TMEM229B: variants seen among roughly 807,000 people sequenced by gnomAD.
The protein encoded by TMEM229B is transmembrane protein 229B.
TMEM229B carries 6 observed loss-of-function variants against 13.7 expected under a neutral mutation model. The ratio of observed to expected loss-of-function variants is 0.44; its 90% confidence interval spans 0.24 to 0.86. The LOEUF (loss-of-function observed/expected upper bound fraction) is 0.86, where lower values mean the gene tolerates loss of function less well. Among genes scored for constraint, TMEM229B ranks in the 40% least tolerant of loss-of-function variants. The pLI is 0.23. For synonymous variants in TMEM229B, 107 were observed against 102.1 expected, an observed-to-expected ratio of 1.05 and a Z score of -0.29; for missense variants, 170 against 236.0, an observed-to-expected ratio of 0.72 and a Z score of 1.83.
At chr14:67,531,636 G>A (rs1251344709) in intron 1 of TMEM229B, among the ~76,000 whole-genome samples, 1 of 151,436 alleles carries the variant, frequency 6.6e-6, no homozygotes, top group African/African-American at 2.4e-5. Context: ...GTTCTGGGCC[G>A]AGGTGCGGTG....
In TMEM229B at chr14:67,473,450, G is replaced by A. The variant is rs778840204; in HGVS notation, c.474C>T (p.Ala158=). The part of the protein sequence containing the change: ...AEPGEPSGAL[A]LANGHVKTD ...CAGTCTTGACATGGCCGTTGGCCAGGGCTAGGGCGCCGCTGGGCTCCCCGG... is the reference window on the plus strand; with the variant it reads ...CAGTCTTGACATGGCCGTTGGCCAGAGCTAGGGCGCCGCTGGGCTCCCCGG... Residue 158 remains alanine, a synonymous_variant, in exon 3 of 3, where the codon GCC becomes GCT. Coordinates refer to ENST00000554480, the MANE Select transcript of TMEM229B (RefSeq NM_001348543.2). The surrounding 1 kb of genome is among the most constrained non-coding windows in gnomAD (Gnocchi z 6.5). 2 of 1,614,014 alleles carry A rather than the reference G, an allele frequency of 1.2e-6. No homozygotes were observed. Among genetic ancestry groups the A allele is most frequent in the Admixed American group, 1.7e-5 (1 of 60,006 alleles).
At chr14:67,491,803 C>G (rs1357080711), upstream of TMEM229B, among the ~76,000 whole-genome samples, 2 of 152,186 alleles carry the variant, frequency 1.3e-5, no homozygotes, top group Non-Finnish European at 2.9e-5. Context: ...GGGCCAAGCT[C>G]AACTACAAAA....
At position 67,473,692 on chromosome 14, in the gene TMEM229B, G is replaced by A. The variant is rs747736634; in HGVS notation, c.232C>T (p.Leu78Phe). 3.8e-6 allele frequency: 6 copies of A among 1,588,178 alleles called. No individual in the cohort carries two copies. Among genetic ancestry groups the A allele is most frequent in the African/African-American group, 1.3e-5 (1 of 74,256 alleles). ...RGRCPLLLRC[L>F]IYTLWTYLWE... ...AGGTAGGTCCAGAGCGTGTAGATGA[G>A]GCAGCGCAGGAGCAGCGGGCAGCGG... is the stretch of plus-strand genomic sequence containing the variant. Residue 78 changes from leucine (L) to phenylalanine (F), a missense_variant, in exon 3 of 3, where the codon CTC becomes TTC. Leu to Phe is a conservative substitution (Grantham distance 22). Coordinates refer to ENST00000554480, the MANE Select transcript of TMEM229B (RefSeq NM_001348543.2). This position sits in a 1 kb window ranked among gnomAD's most constrained non-coding sequence, Gnocchi z 6.5.
At chr14:67,529,322 C>T (rs377710985) in intron 1 of TMEM229B, among the ~76,000 whole-genome samples, 1 of 152,148 alleles carries the variant, frequency 6.6e-6, no homozygotes, top group East Asian at 1.9e-4. Flanking sequence ...CACCCTGTGT[C>T]CCCTGGGTGG....
intron 1 of TMEM229B, among the ~76,000 whole-genome samples, chr14:67,503,017 A>G (rs2032674349): frequency 6.6e-6 from 1 of 152,150 alleles, no homozygotes; most frequent in African/African-American, 2.4e-5. Context: ...AGATGAAACC[A>G]ATGTTCAGGG....
At chr14:67,489,345 C>G (rs1349453444), upstream of TMEM229B, among the ~76,000 whole-genome samples, 1 of 152,202 alleles carries the variant, frequency 6.6e-6, no homozygotes, top group African/African-American at 2.4e-5. Flanking sequence ...AAATCTCATC[C>G]TTAAGGCACA....
At chr14:67,519,803 G>T (rs924017010), upstream of TMEM229B, among the ~76,000 whole-genome samples, 3 of 151,530 alleles carry the variant, frequency 2.0e-5, no homozygotes, top group South Asian at 6.2e-4. Flanking sequence ...GCTTACTGCA[G>T]CCTTGAACTC....
At chr14:67,524,018 G>A (rs904810992) in intron 1 of TMEM229B, among the ~76,000 whole-genome samples, 1 of 152,132 alleles carries the variant, frequency 6.6e-6, no homozygotes, top group Admixed American at 6.5e-5. Flanking sequence ...CTGCATGTCT[G>A]TGTTCTGAGT....
intron 1 of TMEM229B, among the ~76,000 whole-genome samples, chr14:67,496,405 T>G (rs1429330654): frequency 2.3e-5 from 3 of 129,858 alleles, no homozygotes; most frequent in East Asian, 4.7e-4. Flanking sequence ...TTTTTTTTTT[T>G]TTTTTTTTTT....
At chr14:67,521,775 A>G (rs2033294344) in intron 1 of TMEM229B, among the ~76,000 whole-genome samples, 1 of 152,246 alleles carries the variant, frequency 6.6e-6, no homozygotes, top group Non-Finnish European at 1.5e-5. Context: ...AAGTTAAAAG[A>G]AATCAAAGTG....
chr14:67,508,607 G>A (rs528480349), intron 1 of TMEM229B, among the ~76,000 whole-genome samples: 2 of 151,716 alleles, frequency 1.3e-5, no homozygotes, highest in Admixed American at 1.3e-4. Flanking sequence ...AAGAGGCCAG[G>A]TGTAGTTCTG....
At chr14:67,533,186 A>G (rs1231104260) in intron 1 of TMEM229B, 4 of 151,574 alleles carry the variant, frequency 2.6e-5, no homozygotes, top group Admixed American at 1.3e-4. Context: ...GGGGCGCAGC[A>G]AGGCTCGGCC....
upstream of TMEM229B, among the ~76,000 whole-genome samples, chr14:67,517,824 G>C (rs2033230938): frequency 6.6e-6 from 1 of 152,192 alleles, no homozygotes; most frequent in Non-Finnish European, 1.5e-5. Context: ...GTTTGGTCAG[G>C]GTTAGAGTGC....
At chr14:67,513,281 A>G (rs570013068) in intron 1 of TMEM229B, among the ~76,000 whole-genome samples, 1 of 152,326 alleles carries the variant, frequency 6.6e-6, no homozygotes, top group Non-Finnish European at 1.5e-5. Flanking sequence ...CCAGTGGGGA[A>G]TTGAGTGAAA....
At chr14:67,516,443 T>C (rs933451763), upstream of TMEM229B, among the ~76,000 whole-genome samples, 9 of 152,242 alleles carry the variant, frequency 5.9e-5, no homozygotes, top group Non-Finnish European at 1.2e-4. Flanking sequence ...CTGAAGCCCT[T>C]ACCCCTTTTT....
At chr14:67,521,759 A>C (rs2033294127) in intron 1 of TMEM229B, among the ~76,000 whole-genome samples, 2 of 152,246 alleles carry the variant, frequency 1.3e-5, no homozygotes, top group Admixed American at 6.5e-5. Context: ...AGAGAGGAAA[A>C]GACCAAAGTT....
chr14:67,520,383 C>A (rs79160499), upstream of TMEM229B, among the ~76,000 whole-genome samples: 1 of 152,196 alleles, frequency 6.6e-6, no homozygotes, highest in Non-Finnish European at 1.5e-5. Context: ...TTCTTTTCAC[C>A]TGCTCTACAG....
At chr14:67,521,596 T>C (rs1044119809) in intron 1 of TMEM229B, among the ~76,000 whole-genome samples, 2 of 152,346 alleles carry the variant, frequency 1.3e-5, no homozygotes, top group African/African-American at 2.4e-5. Context: ...GGATAAGGAC[T>C]ATGCAGTATT....
At chr14:67,524,790 A>G (rs1318557209) in intron 1 of TMEM229B, among the ~76,000 whole-genome samples, 2 of 152,198 alleles carry the variant, frequency 1.3e-5, no homozygotes, top group African/African-American at 2.4e-5. Flanking sequence ...TGAAGAGATA[A>G]TAGGGATCCA....
Sources: allele counts gnomAD v4.1 joint callset (sites outside exome capture counted in the v4.1 genomes callset), GRCh38; gene constraint gnomAD v4.1.1; non-coding constraint Gnocchi (gnomAD v3.1); transcripts MANE v1.5; gene names NCBI Gene and HGNC (gene_info 2026-07-23, HGNC 2026-07-21).